EPHA5: variants seen among roughly 807,000 people sequenced by gnomAD.
EPHA5 encodes the protein ephrin type-A receptor 5.
A neutral mutation model predicts 105.0 loss-of-function variants in EPHA5; 60 were observed. That is an observed-to-expected ratio of 0.57 (90% CI 0.46 to 0.71). The LOEUF (loss-of-function observed/expected upper bound fraction) is 0.71, where lower values mean the gene tolerates loss of function less well. Among genes scored for constraint, EPHA5 ranks in the 30% least tolerant of loss-of-function variants. EPHA5 has a pLI of 0.00. For missense variants in EPHA5, 1,218 were observed against 1,274.7 expected (o/e 0.96, Z 0.68); for synonymous variants, 513 against 449.1 (o/e 1.14, Z -1.80).
rs558891781 is a variant in EPHA5, at chr4:65,429,779, A to G, written c.1403-9214T>C. Among the ~76,000 whole-genome samples, 8 of 152,184 alleles carry G rather than the reference A, an allele frequency of 5.3e-5. No homozygotes were observed. In the South Asian group the frequency reaches 1.7e-3, roughly 32 times the overall value. ...CACCACATCTTCTCTGCTGAAATAT[A>G]TTCTCGCTGATACCATCTGACATGA... On this transcript the variant is annotated intron_variant, in intron 5 of 16. Transcript: ENST00000613740.
intron 2 of EPHA5, among the ~76,000 whole-genome samples, chr4:65,641,422 T>A (rs1343525887): frequency 6.6e-6 from 1 of 152,036 alleles, no homozygotes; most frequent in African/African-American, 2.4e-5. Context: ...GAAAAAAAAA[T>A]TGGAGTTCAT....
At chr4:65,537,003 C>A (rs1165634217) in intron 3 of EPHA5, among the ~76,000 whole-genome samples, 1 of 151,776 alleles carries the variant, frequency 6.6e-6, no homozygotes, top group Non-Finnish European at 1.5e-5. Context: ...CATTTTCACA[C>A]TCTAATTGGG....
intron 5 of EPHA5, among the ~76,000 whole-genome samples, chr4:65,461,246 A>G (rs13124477): frequency 6.6e-6 from 1 of 151,948 alleles, no homozygotes; most frequent in African/African-American, 2.4e-5. Context: ...TAAGTGAAGA[A>G]CAGATCCAGT....
chr4:65,534,970 T>A (rs4860678), intron 3 of EPHA5, among the ~76,000 whole-genome samples: 18,002 of 152,194 alleles, frequency 0.12, 1,455 homozygotes, highest in East Asian at 0.3. Flanking sequence ...TGTTATCATA[T>A]TTCTTATGAG....
chr4:65,358,013 G>T (rs1427161302), intron 11 of EPHA5, among the ~76,000 whole-genome samples: 1 of 151,288 alleles, frequency 6.6e-6, no homozygotes, highest in Non-Finnish European at 1.5e-5. Context: ...TCTAGTCCTT[G>T]TTTCTCAGAA....
At chr4:65,625,998 G>T (rs1746116427) in intron 2 of EPHA5, among the ~76,000 whole-genome samples, 1 of 151,778 alleles carries the variant, frequency 6.6e-6, no homozygotes, top group Admixed American at 6.6e-5. Context: ...TACTCGGAGA[G>T]GCTGAGGCAG....
chr4:65,384,383 C>T (rs1048448921), intron 8 of EPHA5, among the ~76,000 whole-genome samples: 1 of 151,958 alleles, frequency 6.6e-6, no homozygotes, highest in African/African-American at 2.4e-5. Flanking sequence ...AGAAGTCAAA[C>T]CATAACCTTT....
chr4:65,418,069 A>G (rs1220400341), intron 6 of EPHA5, among the ~76,000 whole-genome samples: 5 of 152,166 alleles, frequency 3.3e-5, no homozygotes, highest in African/African-American at 4.8e-5. Context: ...ATTAACCCTT[A>G]TTGCATCTCA....
At chr4:65,495,582 C>T (rs759992892) in intron 3 of EPHA5, 39 bp from the exon 4 acceptor site, 2 of 1,555,362 alleles carry the variant, frequency 1.3e-6, no homozygotes, top group East Asian at 2.3e-5. Context: ...TTCCCTGGAA[C>T]AGATGCAGTG....
chr4:65,367,534 CATACTAGTAGTTTGGAATGATGCCA>C, intron 8 of EPHA5, 110 bp from the exon 9 acceptor site: 1 of 946,022 alleles, frequency 1.1e-6, no homozygotes. Context: ...AACTGATTTT[CATACTAGTAGTTTGGAATGATGCCA>C]ATACTAGTAG....
chr4:65,646,122 T>C (rs988391919), intron 1 of EPHA5, among the ~76,000 whole-genome samples: 3 of 152,190 alleles, frequency 2.0e-5, no homozygotes, highest in Non-Finnish European at 4.4e-5. Flanking sequence ...ACGTTTCCTT[T>C]GTCCTTCAAA....
At chr4:65,412,675 T>C (rs1723024255) in intron 7 of EPHA5, among the ~76,000 whole-genome samples, 1 of 152,154 alleles carries the variant, frequency 6.6e-6, no homozygotes, top group African/African-American at 2.4e-5. Flanking sequence ...TTAGAAATTA[T>C]ATAGGAAAAG....
intron 3 of EPHA5, among the ~76,000 whole-genome samples, chr4:65,511,713 C>A (rs529849492): frequency 6.6e-6 from 1 of 152,080 alleles, no homozygotes; most frequent in African/African-American, 2.4e-5. Flanking sequence ...GTAATTTAAA[C>A]GACATTTTTT....
At chr4:65,609,391 A>G (rs926494908) in intron 2 of EPHA5, among the ~76,000 whole-genome samples, 1 of 152,184 alleles carries the variant, frequency 6.6e-6, no homozygotes. Flanking sequence ...AAATGACTCT[A>G]TTAATTTTCT....
intron 2 of EPHA5, among the ~76,000 whole-genome samples, chr4:65,608,138 G>A (rs987887114): frequency 5.3e-5 from 8 of 152,216 alleles, no homozygotes; most frequent in East Asian, 1.9e-4. Context: ...ACCATGGCAC[G>A]TGTATTACCT....
At chr4:65,491,333 A>G (rs1731380251) in intron 4 of EPHA5, among the ~76,000 whole-genome samples, 1 of 152,152 alleles carries the variant, frequency 6.6e-6, no homozygotes, top group Admixed American at 6.5e-5. Flanking sequence ...AACATATTTT[A>G]CTTTGATATT....
At chr4:65,513,122 T>C (rs1294338003) in intron 3 of EPHA5, among the ~76,000 whole-genome samples, 1 of 152,182 alleles carries the variant, frequency 6.6e-6, no homozygotes, top group East Asian at 1.9e-4. Context: ...GTTACTCTGA[T>C]GATTTATGTC....
chr4:65,529,151 G>A (rs892356912), intron 3 of EPHA5, among the ~76,000 whole-genome samples: 3 of 151,658 alleles, frequency 2.0e-5, no homozygotes, highest in African/African-American at 7.3e-5. Flanking sequence ...GCAATTCAAA[G>A]AATATCAGAT....
At chr4:65,457,314 C>A (rs1560557062) in intron 5 of EPHA5, among the ~76,000 whole-genome samples, 2 of 152,068 alleles carry the variant, frequency 1.3e-5, no homozygotes, top group African/African-American at 2.4e-5. Context: ...ACTTGGTGTC[C>A]TCGCCTGTTA....
Sources: allele counts gnomAD v4.1 joint callset (sites outside exome capture counted in the v4.1 genomes callset), GRCh38; gene constraint gnomAD v4.1.1; transcripts MANE v1.5; gene names NCBI Gene and HGNC (gene_info 2026-07-23, HGNC 2026-07-21).